The following AKAP13 variants were observed in gnomAD, a reference collection of about 807,000 sequenced individuals.
The protein encoded by AKAP13 is A-kinase anchoring protein 13, also known as A-kinase anchor protein 13.
In AKAP13, 80 loss-of-function variants were observed where a neutral mutation model predicts 264.5. The ratio of observed to expected loss-of-function variants is 0.30; its 90% CI spans 0.25 to 0.36. AKAP13 has a LOEUF of 0.36. AKAP13 is among the 10% of genes least tolerant of loss of function. AKAP13 has a pLI of 1.00. For missense variants in AKAP13, 3,712 were observed against 3,435.2 expected, an observed-to-expected ratio of 1.08 and a Z score of -2.01; for synonymous variants, 1,380 against 1,250.2, an observed-to-expected ratio of 1.10 and a Z score of -2.19.
chr15:85,716,002 C>A, intron 20 of AKAP13, 79 bp downstream of exon 20: 1 of 1,269,302 alleles, frequency 7.9e-7, no homozygotes. Context: ...TGACAAAAAG[C>A]TTTTTTTTTT....
chr15:85,724,912 A>C lies in AKAP13; in HGVS notation c.6746-1498A>C, dbSNP rs2087514965. ...TGGCTGTGTATTTCATGGTTCTGTG[A>C]TAAACTTAAACTAAGGCTCCTTCCC... On this transcript the variant is annotated intron_variant, in intron 26 of 36. Transcript: ENST00000394518. This position sits in a 1 kb window ranked among gnomAD's most constrained non-coding sequence, Gnocchi z 4.2. Among the ~76,000 whole-genome samples, 1 of 152,098 alleles carries C rather than the reference A, an allele frequency of 6.6e-6. No homozygotes were observed. Among genetic ancestry groups the C allele is most frequent in the Non-Finnish European group, 1.5e-5 (1 of 68,034 alleles).
chr15:85,563,891 T>C (rs2078507094), intron 5 of AKAP13, among the ~76,000 whole-genome samples: 1 of 152,268 alleles, frequency 6.6e-6, no homozygotes, highest in Non-Finnish European at 1.5e-5. Flanking sequence ...AGATGCATGC[T>C]CAAAGAGGTT....
In AKAP13 at chr15:85,745,557, T is replaced by C. The variant is rs1412646293; in HGVS notation, c.*880T>C. 1 of 152,228 alleles carries C rather than the reference T, an allele frequency of 6.6e-6. No homozygotes were observed. The highest frequency in any genetic ancestry group is 2.4e-5 in the African/African-American group (1 of 41,442). 9.4% of individuals were successfully genotyped at this position (152,228 alleles called of 1,614,324 possible). Reference sequence around the variant, plus strand: ...ATTATCCCTGCAGCGTGACACCTTTTGATTGTCACTGACCACTCAGAAGGG... The same window carrying C: ...ATTATCCCTGCAGCGTGACACCTTTCGATTGTCACTGACCACTCAGAAGGG... On this transcript the variant is annotated 3_prime_UTR_variant, in exon 37 of 37. Transcript: ENST00000394518.
intron 1 of AKAP13, among the ~76,000 whole-genome samples, chr15:85,425,177 G>T (rs550246439): frequency 7.2e-5 from 11 of 152,252 alleles, no homozygotes; most frequent in African/African-American, 2.6e-4. Flanking sequence ...GGTTGCCACA[G>T]ACCTTCAATT....
At chr15:85,438,496 GC>G (rs2073440495) in intron 1 of AKAP13, among the ~76,000 whole-genome samples, 1 of 149,704 alleles carries the variant, frequency 6.7e-6, no homozygotes. Flanking sequence ...CCAAAAAAGA[GC>G]CTGCATCGCC....
intron 17 of AKAP13, 147 bp downstream of exon 17, chr15:85,693,598 G>T: frequency 7.3e-7 from 1 of 1,374,130 alleles, no homozygotes; most frequent in Non-Finnish European, 9.6e-7. Flanking sequence ...CATGATAAAA[G>T]AAAGAAATTC....
chr15:85,381,633 T>C (rs2070277482), intron 1 of AKAP13: 1 of 151,796 alleles, frequency 6.6e-6, no homozygotes. Context: ...AGGTTTGTTT[T>C]GTTTTGGAAA....
At chr15:85,388,411 CA>C (rs1245302792) in intron 1 of AKAP13, among the ~76,000 whole-genome samples, 1 of 152,138 alleles carries the variant, frequency 6.6e-6, no homozygotes, top group African/African-American at 2.4e-5. Flanking sequence ...AGGAGTTTTA[CA>C]AGTGGACATC....
intron 33 of AKAP13, among the ~76,000 whole-genome samples, chr15:85,738,350 C>T (rs574913097): frequency 4.6e-4 from 70 of 151,812 alleles, no homozygotes; most frequent in African/African-American, 1.5e-3. Flanking sequence ...CAAGATCGCA[C>T]CACTGCACTC....
chr15:85,687,210 G>GTCACACAACC (rs5814213), intron 16 of AKAP13, among the ~76,000 whole-genome samples: 1 of 151,936 alleles, frequency 6.6e-6, no homozygotes, highest in African/African-American at 2.4e-5. Flanking sequence ...TATGCTTCAT[G>GTCACACAACC]TCACACAACC....
intron 23 of AKAP13, among the ~76,000 whole-genome samples, chr15:85,720,768 T>G (rs147784236): frequency 1.3e-5 from 2 of 152,352 alleles, no homozygotes; most frequent in East Asian, 3.9e-4. Flanking sequence ...TACCCCTCAC[T>G]TCATTAATTT....
intron 8 of AKAP13, among the ~76,000 whole-genome samples, chr15:85,603,548 G>C (rs1306997939): frequency 2.0e-5 from 3 of 152,202 alleles, no homozygotes; most frequent in African/African-American, 7.2e-5. Flanking sequence ...AAATTAAATA[G>C]CTCCTTGGTT....
At chr15:85,739,240 T>TACC (rs2088782066) in intron 33 of AKAP13, among the ~76,000 whole-genome samples, 1 of 152,240 alleles carries the variant, frequency 6.6e-6, no homozygotes, top group South Asian at 2.1e-4. Context: ...TGCTTGGTAC[T>TACC]ACCCATTAGA....
At chr15:85,398,418 C>G (rs570740377) in intron 1 of AKAP13, among the ~76,000 whole-genome samples, 8 of 152,118 alleles carry the variant, frequency 5.3e-5, no homozygotes, top group African/African-American at 1.9e-4. Context: ...TCTTTCCAAA[C>G]TTGAAAACTT....
chr15:85,418,935 C>T (rs1028256556), intron 1 of AKAP13, among the ~76,000 whole-genome samples: 5 of 152,148 alleles, frequency 3.3e-5, no homozygotes, highest in African/African-American at 1.2e-4. Flanking sequence ...CAGCAGTCTG[C>T]TTATAGTACC....
chr15:85,713,891 G>A (rs1473572989), intron 19 of AKAP13, among the ~76,000 whole-genome samples: 2 of 152,080 alleles, frequency 1.3e-5, no homozygotes, highest in African/African-American at 4.8e-5. Flanking sequence ...AAGTGCCAGC[G>A]TGACCACTTT....
intron 14 of AKAP13, chr15:85,670,868 A>G (rs2083888474): frequency 6.6e-6 from 1 of 152,164 alleles, no homozygotes; most frequent in Non-Finnish European, 1.5e-5. Context: ...TGGCATCCAT[A>G]AGCGCAGGGC....
chr15:85,648,339 G>A (rs969846803), intron 10 of AKAP13, among the ~76,000 whole-genome samples: 10 of 152,160 alleles, frequency 6.6e-5, no homozygotes, highest in Admixed American at 4.6e-4. Flanking sequence ...CAACCTCCTA[G>A]GTGCATGACA....
At chr15:85,429,527 C>T (rs145729775) in intron 1 of AKAP13, among the ~76,000 whole-genome samples, 1 of 152,276 alleles carries the variant, frequency 6.6e-6, no homozygotes, top group East Asian at 1.9e-4. Context: ...AAAATAGTAA[C>T]CTCCCTCTGG....
Sources: gnomAD v4.1 joint callset for allele counts (sites outside exome capture counted in the v4.1 genomes callset) on GRCh38, gnomAD v4.1.1 for gene constraint, Gnocchi (gnomAD v3.1) non-coding constraint, MANE v1.5 for transcripts, NCBI Gene and HGNC (gene_info 2026-07-23, HGNC 2026-07-21) for gene names.